The following C7 variants were observed in gnomAD, a reference collection of about 807,000 sequenced individuals.
C7 encodes the protein complement C7.
C7 carries 83 observed loss-of-function variants against 104.8 expected under a neutral mutation model. That is an observed-to-expected ratio of 0.79 (90% confidence interval 0.66 to 0.95). The LOEUF (loss-of-function observed/expected upper bound fraction) is 0.95, where lower values mean the gene tolerates loss of function less well. Among genes scored for constraint, C7 ranks in the 40% least tolerant of loss-of-function variants. C7 has a pLI of 0.00. For missense variants in C7, 1,070 were observed against 1,011.2 expected (o/e 1.06, Z -0.79); for synonymous variants, 415 against 360.6 (o/e 1.15, Z -1.71).
intron 15 of C7, among the ~76,000 whole-genome samples, chr5:40,974,856 C>T (rs1266380175): frequency 6.6e-6 from 1 of 152,178 alleles, no homozygotes; most frequent in East Asian, 1.9e-4. Context: ...TAGATTAAGG[C>T]TTCTCAACCT....
In C7 at chr5:40,943,826, C is replaced by T. The variant is rs372083235; in HGVS notation, c.568-1372C>T. Among the ~76,000 whole-genome samples, 456 of 146,356 alleles carry T rather than the reference C, an allele frequency of 3.1e-3. 4 individuals are homozygous for T. Among genetic ancestry groups the T allele is most frequent in the African/African-American group, 0.01 (416 of 39,666 alleles). ...CTCTAATAAAAGATTTGTTGAAATC[C>T]ATCTTCTTATCTTTCTTATCTTTTT... On this transcript the variant is annotated intron_variant, in intron 6 of 17. Transcript: ENST00000313164.
chr5:40,945,875 C>CATATATATATAT (rs58480949), intron 7 of C7, among the ~76,000 whole-genome samples: 12 of 127,324 alleles, frequency 9.4e-5, no homozygotes, highest in South Asian at 5.4e-4. Flanking sequence ...AAAAAAAATA[C>CATATATATATAT]ATATATATAT....
At chr5:40,971,141 G>A (rs949768571) in intron 14 of C7, among the ~76,000 whole-genome samples, 3 of 152,156 alleles carry the variant, frequency 2.0e-5, no homozygotes, top group Admixed American at 2.0e-4. Flanking sequence ...TCTGGTTCTA[G>A]ATCCTTGAGG....
At position 40,982,715 on chromosome 5, in the gene C7, A is replaced by T. The variant is rs1485309646; in HGVS notation, c.*1142A>T. The T allele has an allele frequency of 2.0e-5, 3 of 152,374 alleles. No individual in the cohort carries two copies. Among genetic ancestry groups the T allele is most frequent in the Non-Finnish European group, 4.4e-5 (3 of 68,042 alleles). 9.4% of individuals were successfully genotyped at this position (152,374 alleles called of 1,614,324 possible). On this transcript the variant is annotated 3_prime_UTR_variant, in exon 18 of 18. Coordinates refer to ENST00000313164, the MANE Select transcript of C7 (RefSeq NM_000587.4). ...CAGTCCCAGAGTTTTCAGGGAGTAC[A>T]CAGGTAGATTAGTTTGAAGCATTGA...
intron 1 of C7, among the ~76,000 whole-genome samples, chr5:40,926,265 A>T (rs1258817314): frequency 6.6e-6 from 1 of 152,232 alleles, no homozygotes; most frequent in African/African-American, 2.4e-5. Flanking sequence ...ACTTGACACA[A>T]TAAATGCCAC....
At chr5:40,962,214 C>T in intron 13 of C7, 42 bp downstream of exon 13, 1 of 1,163,522 alleles carries the variant, frequency 8.6e-7, no homozygotes, top group Non-Finnish European at 1.2e-6. Context: ...AATGCTCTAA[C>T]TTCTATCTCT....
At chr5:40,944,609 T>A (rs1011633800) in intron 6 of C7, among the ~76,000 whole-genome samples, 1 of 152,246 alleles carries the variant, frequency 6.6e-6, no homozygotes, top group Non-Finnish European at 1.5e-5. Context: ...AAGCTGAAGC[T>A]GTCACTTCTC....
At chr5:40,916,481 T>C (rs1233629542) in intron 1 of C7, among the ~76,000 whole-genome samples, 1 of 152,184 alleles carries the variant, frequency 6.6e-6, no homozygotes, top group African/African-American at 2.4e-5. Flanking sequence ...GCTACTTCAT[T>C]CAGGTTTTCT....
At chr5:40,967,312 C>T (rs2111691947) in intron 14 of C7, among the ~76,000 whole-genome samples, 1 of 152,236 alleles carries the variant, frequency 6.6e-6, no homozygotes, top group East Asian at 1.9e-4. Context: ...GATTTGTCCG[C>T]CTTGGCCTCC....
chr5:40,945,871 AATACATAT>A (rs1266568588), intron 7 of C7, among the ~76,000 whole-genome samples: 5 of 85,950 alleles, frequency 5.8e-5, no homozygotes, highest in Non-Finnish European at 1.1e-4. Flanking sequence ...CTCAAAAAAA[AATACATAT>A]ATATATATAT....
Position 40,981,880 on chromosome 5 carries a change from C to T in C7, c.*307C>T, listed in dbSNP as rs376626957. On this transcript the variant is annotated 3_prime_UTR_variant, in exon 18 of 18. Transcript: ENST00000313164. ...TAAAATCTGTAAAATTAGAGGATTG[C>T]ACTAGAGAAACTTGAATGCTCCATT... 4.5e-6 allele frequency: 1 copy of T among 222,834 alleles called. No homozygotes were observed. The highest frequency in any genetic ancestry group is 2.3e-5 in the African/African-American group (1 of 43,984). The allele number at this position is 222,834 out of a possible 1,614,324, so 13.8% of individuals were successfully genotyped here.
At chr5:40,921,157 C>G (rs1739430498) in intron 1 of C7, among the ~76,000 whole-genome samples, 1 of 151,860 alleles carries the variant, frequency 6.6e-6, no homozygotes, top group South Asian at 2.1e-4. Context: ...AGCAGCATTC[C>G]TACATGCTAA....
chr5:40,921,043 T>C (rs1173693222), intron 1 of C7, among the ~76,000 whole-genome samples: 1 of 121,500 alleles, frequency 8.2e-6, no homozygotes, highest in Non-Finnish European at 1.6e-5. Context: ...AGCAAGACTC[T>C]GTCTCCAAAA....
At chr5:40,944,462 G>C (rs941092460) in intron 6 of C7, among the ~76,000 whole-genome samples, 1 of 152,174 alleles carries the variant, frequency 6.6e-6, no homozygotes, top group Non-Finnish European at 1.5e-5. Context: ...CAGGGTACGT[G>C]TTCACTTTTT....
chr5:40,965,251 A>G (rs1229761734), intron 14 of C7, among the ~76,000 whole-genome samples: 1 of 152,214 alleles, frequency 6.6e-6, no homozygotes, highest in East Asian at 1.9e-4. Context: ...TCTGAATAAC[A>G]GCATCTGCAT....
chr5:40,964,959 C>A, intron 14 of C7, 86 bp downstream of exon 14: 2 of 1,465,000 alleles, frequency 1.4e-6, no homozygotes, highest in Non-Finnish European at 1.9e-6. Flanking sequence ...CACCATATGG[C>A]CCATGTGTTG....
At chr5:40,924,703 G>A (rs1337890583) in intron 1 of C7, among the ~76,000 whole-genome samples, 1 of 152,204 alleles carries the variant, frequency 6.6e-6, no homozygotes, top group Non-Finnish European at 1.5e-5. Flanking sequence ...TGCACTATGT[G>A]TGCCTATGAG....
In C7 at chr5:40,971,394, A is replaced by G. The variant is rs188864140; in HGVS notation, c.1883-1009A>G. 2.6e-4 allele frequency among the ~76,000 whole-genome samples: 40 copies of G among 152,194 alleles called. No homozygotes were observed. The East Asian group carries it at 3.9e-3, about 15-fold the overall frequency. ...CTGCATAAATGTCTTCTTTTGAGAAATGTCTGTTCATATCCTTTGCCCACT... is the reference window on the plus strand; with the variant it reads ...CTGCATAAATGTCTTCTTTTGAGAAGTGTCTGTTCATATCCTTTGCCCACT... On this transcript the variant is annotated intron_variant, in intron 14 of 17. Coordinates refer to ENST00000313164, the MANE Select transcript of C7 (RefSeq NM_000587.4).
At chr5:40,964,929 G>T (rs1740512314) in intron 14 of C7, 56 bp downstream of exon 14, 2 of 1,589,886 alleles carry the variant, frequency 1.3e-6, no homozygotes, top group African/African-American at 1.3e-5. Flanking sequence ...GGAAGAGAAT[G>T]AATCAAGATA....
Sources: gnomAD v4.1 joint callset for allele counts (sites outside exome capture counted in the v4.1 genomes callset) on GRCh38, gnomAD v4.1.1 for gene constraint, MANE v1.5 for transcripts, NCBI Gene and HGNC (gene_info 2026-07-23, HGNC 2026-07-21) for gene names.